SPRTN: variants seen among roughly 807,000 people sequenced by gnomAD.
SPRTN encodes DNA-dependent metalloprotease SPRTN.
Under a neutral mutation model 31.9 loss-of-function variants are expected in SPRTN, and 11 were observed. The observed-to-expected ratio is 0.34, with a 90% CI of 0.22 to 0.57. SPRTN has a LOEUF of 0.57. SPRTN is among the 20% of genes least tolerant of loss of function. SPRTN has a pLI of 0.86. For missense variants in SPRTN, 482 were observed against 590.1 expected, an observed-to-expected ratio of 0.82 and a Z score of 1.90; for synonymous variants, 185 against 212.1, an observed-to-expected ratio of 0.87 and a Z score of 1.11.
intron 3 of SPRTN, among the ~76,000 whole-genome samples, chr1:231,350,337 C>A (rs1029279139): frequency 1.3e-5 from 2 of 152,208 alleles, no homozygotes; most frequent in Admixed American, 1.3e-4. Context: ...CTCACTCTTA[C>A]ACAGAGAGTT....
intron 2 of SPRTN, among the ~76,000 whole-genome samples, chr1:231,342,325 C>G (rs915728957): frequency 6.6e-6 from 1 of 152,176 alleles, no homozygotes; most frequent in South Asian, 2.1e-4. Context: ...GTGAGCATTT[C>G]CTGTTGGCAG....
chr1:231,340,015 G>C, intron 2 of SPRTN, 147 bp downstream of exon 2: 7 of 555,792 alleles, frequency 1.3e-5, no homozygotes, highest in East Asian at 3.3e-5. Flanking sequence ...AAACAATAAT[G>C]AACACCTTAT....
intron 2 of SPRTN, chr1:231,347,576 T>C (rs1351422896): frequency 2.2e-6 from 1 of 453,472 alleles, no homozygotes; most frequent in Non-Finnish European, 3.9e-6. Flanking sequence ...GTTGCCCAGG[T>C]TGGTCTCCAA....
At position 231,339,755 on chromosome 1, in the gene SPRTN, T is replaced by C. The variant is rs762287724; in HGVS notation, c.222-14T>C. On this transcript the variant is annotated splice_polypyrimidine_tract_variant and intron_variant, in intron 1 of 4. Transcript: ENST00000295050. ...TGGCCAATGTAACACATTTTTATGG[T>C]GATTGTTTTCTAGGTGTGCTGGGAT... 3 of 1,613,840 alleles carry C rather than the reference T, an allele frequency of 1.9e-6. No homozygotes were observed. In the South Asian group the frequency reaches 3.3e-5, roughly 18 times the overall value.
chr1:231,352,015 A>G (rs567458332), intron 4 of SPRTN: 4 of 996,212 alleles, frequency 4.0e-6, no homozygotes, highest in East Asian at 2.2e-4. Flanking sequence ...GCTGGATTCT[A>G]TCCAAGTGAC....
At chr1:231,352,084 CA>C in intron 4 of SPRTN, 1 of 989,248 alleles carries the variant, frequency 1.0e-6, no homozygotes, top group Non-Finnish European at 1.2e-6. Context: ...ATATATTTGC[CA>C]GTACTTCATC....
Position 231,353,658 on chromosome 1 carries a change from A to T in SPRTN, c.*297A>T, listed in dbSNP as rs1400022241. ...CTCTTAAGGATTTTAAAAACCTGTT[A>T]ATCTTTTTATTTGTATACTTTCCTA... is the stretch of plus-strand genomic sequence containing the variant. On this transcript the variant is annotated 3_prime_UTR_variant, in exon 5 of 5. Transcript: ENST00000295050. The T allele has an allele frequency of 1.9e-6, 2 of 1,038,186 alleles. No homozygotes were observed. The highest frequency in any genetic ancestry group is 5.0e-5 in the Admixed American group (1 of 20,072). The allele number at this position is 1,038,186 out of a possible 1,614,324, so 64.3% of individuals were successfully genotyped here.
chr1:231,353,183 G>T lies in SPRTN; in HGVS notation c.1292G>T (p.Gly431Val). The change falls in exon 5 of 5, where the codon GGT becomes GTT. Residue 431 changes from glycine (G) to valine (V), a missense_variant. By Grantham distance (109) the Gly-to-Val change is moderately radical. Transcript: ENST00000295050. The part of the protein sequence containing the change: ...FIKKEQIKSS[G>V]NDPKYSTTTA... ...AAGAAAGAGCAAATAAAAAGCAGTG[G>T]TAATGATCCAAAGTATAGTACAACC... 1 of 1,613,394 alleles carries T rather than the reference G, an allele frequency of 6.2e-7. No homozygotes were observed. Among genetic ancestry groups the T allele is most frequent in the Non-Finnish European group, 8.5e-7 (1 of 1,179,850 alleles).
chr1:231,346,210 G>A, intron 2 of SPRTN, among the ~76,000 whole-genome samples: 1 of 115,856 alleles, frequency 8.6e-6, no homozygotes, highest in Non-Finnish European at 1.7e-5. Flanking sequence ...TTTTTTTTGA[G>A]ATGGAGTCTT....
Position 231,355,017 on chromosome 1 carries a change from A to G in SPRTN, c.*1656A>G. 1 of 666,278 alleles carries G rather than the reference A, an allele frequency of 1.5e-6. No homozygotes were observed. The highest frequency in any genetic ancestry group is 1.9e-6 in the Non-Finnish European group (1 of 539,020). The allele number at this position is 666,278 out of a possible 1,614,324, so 41.3% of individuals were successfully genotyped here. ...AAAACATTTTAATAAATACTTATAA[A>G]TAGGTATTAAAATGTATATTATGTT... On this transcript the variant is annotated 3_prime_UTR_variant, in exon 5 of 5. Coordinates refer to ENST00000295050, the MANE Select transcript of SPRTN (RefSeq NM_032018.7).
chr1:231,338,440 G>A lies in SPRTN; in HGVS notation c.57G>A (p.Glu19=), dbSNP rs1686756763. Residue 19 remains glutamate (E), a synonymous_variant, in exon 1 of 5, where the codon GAG becomes GAA. Coordinates refer to ENST00000295050, the MANE Select transcript of SPRTN (RefSeq NM_032018.7). ...LRLQEEWNLQ[E]AERDHAQESL... is the part of the protein sequence containing the mutation. ...TTCAGGAGGAGTGGAACTTGCAGGA[G>A]GCGGAGCGCGATCATGCCCAGGAGT... The A allele has an allele frequency of 3.1e-6, 5 of 1,614,294 alleles. No individual in the cohort carries two copies. In the South Asian group the frequency reaches 5.5e-5, roughly 18 times the overall value.
At chr1:231,351,123 A>C (rs921928987) in intron 3 of SPRTN, among the ~76,000 whole-genome samples, 181 bp from the exon 4 acceptor site, 2 of 151,690 alleles carry the variant, frequency 1.3e-5, no homozygotes, top group Non-Finnish European at 2.9e-5. Context: ...CATTAAAATC[A>C]ACTTTTGAAC....
rs761683631 is a variant in SPRTN at position 231,338,364 on chromosome 1, C to A, written c.-20C>A. 6.2e-7 allele frequency: 1 copy of A among 1,612,002 alleles called. No homozygotes were observed. The highest frequency in any genetic ancestry group is 2.2e-5 in the East Asian group (1 of 44,862). ...GAGCCAGCCTGACGCCGGCGGACCC[C>A]GCCTGTGATCCTGGCAACGATGGAT... On this transcript the variant is annotated 5_prime_UTR_variant, in exon 1 of 5. Transcript: ENST00000295050.
chr1:231,348,838 A>G (rs947852613), intron 3 of SPRTN, among the ~76,000 whole-genome samples: 1 of 152,230 alleles, frequency 6.6e-6, no homozygotes, highest in African/African-American at 2.4e-5. Flanking sequence ...GTACATCTGT[A>G]TAAGGTGTAT....
At chr1:231,344,744 G>T (rs1419065262) in intron 2 of SPRTN, 1 of 300,758 alleles carries the variant, frequency 3.3e-6, no homozygotes, top group Non-Finnish European at 7.3e-6. Flanking sequence ...TCTGATTTTT[G>T]CTTAAAAAAA....
intron 1 of SPRTN, 174 bp from the exon 2 acceptor site, chr1:231,339,595 C>T (rs1257146347): frequency 1.0e-5 from 8 of 785,330 alleles, no homozygotes; most frequent in East Asian, 2.7e-5. Context: ...GCGGGAGGCG[C>T]CCGCGGGGGT....
chr1:231,352,617 C>A lies in SPRTN; in HGVS notation c.726C>A (p.Pro242=). The change falls in exon 5 of 5, where the codon CCC becomes CCA. Residue 242 remains proline (P), a synonymous_variant. Coordinates refer to ENST00000295050, the MANE Select transcript of SPRTN (RefSeq NM_032018.7). ...PVLAAENKDK[P]NRGEAQLVIP... ...TCTTTGCTTTTTTGGCAGATAAACC[C>A]AACAGAGGTGAGGCCCAGCTAGTAA... 6.3e-7 allele frequency: 1 copy of A among 1,578,078 alleles called. No individual in the cohort carries two copies. Among genetic ancestry groups the A allele is most frequent in the Non-Finnish European group, 8.6e-7 (1 of 1,166,396 alleles).
chr1:231,349,145 A>G (rs79764722), intron 3 of SPRTN, among the ~76,000 whole-genome samples: 1,791 of 152,004 alleles, frequency 0.012, 30 homozygotes, highest in African/African-American at 0.04. Flanking sequence ...TAATTTAAAA[A>G]AAAATTTTTT....
chr1:231,339,656 A>G (rs1229440627), intron 1 of SPRTN, 113 bp from the exon 2 acceptor site: 2 of 1,051,668 alleles, frequency 1.9e-6, no homozygotes, highest in Non-Finnish European at 3.0e-6. Context: ...CAAGGGGGGT[A>G]TACTTTCATG....
Sources: gnomAD v4.1 joint callset for allele counts (sites outside exome capture counted in the v4.1 genomes callset) on GRCh38, gnomAD v4.1.1 for gene constraint, MANE v1.5 for transcripts, NCBI Gene and HGNC (gene_info 2026-07-23, HGNC 2026-07-21) for gene names.